The following COG5 variants were observed in gnomAD, a reference collection of about 807,000 sequenced individuals.
COG5 encodes the protein component of oligomeric golgi complex 5.
A neutral mutation model predicts 110.4 loss-of-function variants in COG5; 86 were observed. The observed-to-expected ratio is 0.78, with a 90% CI of 0.65 to 0.93. The LOEUF is 0.93. Among genes scored for constraint, COG5 ranks in the 40% least tolerant of loss-of-function variants. The probability of loss-of-function intolerance (pLI) is 0.00; values close to 1 mark genes in which losing one functional copy is unlikely to be tolerated. For missense variants in COG5, 1,077 were observed against 987.0 expected (o/e 1.09, Z -1.22); for synonymous variants, 360 against 334.6 (o/e 1.08, Z -0.83).
chr7:107,453,944 G>A (rs1795505204), intron 6 of COG5, among the ~76,000 whole-genome samples: 4 of 151,892 alleles, frequency 2.6e-5, no homozygotes, highest in Admixed American at 1.3e-4. Context: ...AGTTATGCTT[G>A]TATATGTGAA....
intron 10 of COG5, among the ~76,000 whole-genome samples, chr7:107,346,674 C>T (rs1449337792): frequency 1.3e-5 from 2 of 152,110 alleles, no homozygotes; most frequent in Non-Finnish European, 2.9e-5. Context: ...GGTTTTCTAA[C>T]ACCACATAAA....
intron 6 of COG5, among the ~76,000 whole-genome samples, chr7:107,456,148 A>T (rs1214409746): frequency 6.6e-6 from 1 of 152,152 alleles, no homozygotes; most frequent in Non-Finnish European, 1.5e-5. Context: ...GATTCAGAAT[A>T]TTGCTAACCT....
At chr7:107,416,095 C>G (rs1003222674) in intron 6 of COG5, among the ~76,000 whole-genome samples, 1 of 151,232 alleles carries the variant, frequency 6.6e-6, no homozygotes, top group African/African-American at 2.4e-5. Flanking sequence ...ATGGGACTAT[C>G]TGATAAGGTT....
chr7:107,503,994 C>T (rs1341947475), intron 6 of COG5, among the ~76,000 whole-genome samples: 3 of 152,028 alleles, frequency 2.0e-5, no homozygotes, highest in Non-Finnish European at 4.4e-5. Context: ...CCTTCTCTTC[C>T]CTGATTGCTC....
chr7:107,427,627 C>T (rs749219562), intron 6 of COG5, among the ~76,000 whole-genome samples: 30 of 151,790 alleles, frequency 2.0e-4, no homozygotes, highest in African/African-American at 2.7e-4. Context: ...CAGCTGGTGA[C>T]GCCTCCACCG....
chr7:107,344,814 G>A (rs776608551), intron 10 of COG5, among the ~76,000 whole-genome samples: 2 of 152,166 alleles, frequency 1.3e-5, no homozygotes, highest in East Asian at 1.9e-4. Context: ...GTGACCCACC[G>A]CGCCTGGCCG....
intron 8 of COG5, among the ~76,000 whole-genome samples, chr7:107,370,116 A>C (rs1228667051): frequency 2.0e-5 from 3 of 151,476 alleles, no homozygotes; most frequent in African/African-American, 4.9e-5. Flanking sequence ...TGTGTGTATA[A>C]TTTTTTTTCT....
chr7:107,549,056 T>G (rs916876704), intron 3 of COG5, among the ~76,000 whole-genome samples: 1 of 152,182 alleles, frequency 6.6e-6, no homozygotes, highest in Non-Finnish European at 1.5e-5. Flanking sequence ...TTGGAACAAA[T>G]AAACATTCCT....
intron 11 of COG5, among the ~76,000 whole-genome samples, chr7:107,318,134 T>A (rs1214486486): frequency 6.6e-6 from 1 of 152,058 alleles, no homozygotes; most frequent in Non-Finnish European, 1.5e-5. Context: ...TTCAAGTGAT[T>A]CCCCTGCCTC....
intron 6 of COG5, among the ~76,000 whole-genome samples, chr7:107,447,537 T>A (rs750930189): frequency 6.6e-6 from 1 of 152,232 alleles, no homozygotes; most frequent in Non-Finnish European, 1.5e-5. Flanking sequence ...AGGATACAGT[T>A]ATATATAAGG....
At chr7:107,559,461 T>C (rs985503630) in intron 1 of COG5, among the ~76,000 whole-genome samples, 3 of 152,200 alleles carry the variant, frequency 2.0e-5, no homozygotes, top group African/African-American at 7.2e-5. Flanking sequence ...TCTGCTATAA[T>C]GTATGCTCCA....
intron 11 of COG5, 47 bp from the exon 12 acceptor site, chr7:107,298,393 G>A: frequency 6.7e-7 from 1 of 1,484,786 alleles, no homozygotes; most frequent in Non-Finnish European, 9.3e-7. Flanking sequence ...ATAAAATGTA[G>A]TAAATGTTTC....
chr7:107,333,186 T>C (rs73187347), intron 10 of COG5, among the ~76,000 whole-genome samples: 13,390 of 152,218 alleles, frequency 0.088, 848 homozygotes, highest in African/African-American at 0.18. Context: ...ATCAAGAATA[T>C]ATTAATTTTA....
At chr7:107,402,515 G>A (rs757005840) in intron 7 of COG5, among the ~76,000 whole-genome samples, 1 of 152,172 alleles carries the variant, frequency 6.6e-6, no homozygotes, top group Non-Finnish European at 1.5e-5. Context: ...GGTATCTATG[G>A]TGACGCAGGA....
chr7:107,382,564 A>G (rs899814339), intron 7 of COG5, among the ~76,000 whole-genome samples: 1 of 152,038 alleles, frequency 6.6e-6, no homozygotes, highest in African/African-American at 2.4e-5. Context: ...CAGCCTTCCC[A>G]GTAGCTGGGA....
chr7:107,530,782 T>C (rs997965356), intron 5 of COG5, among the ~76,000 whole-genome samples: 12 of 152,248 alleles, frequency 7.9e-5, no homozygotes, highest in Non-Finnish European at 1.6e-4. Context: ...GTTCTCACCA[T>C]TTCCCAATAT....
intron 6 of COG5, among the ~76,000 whole-genome samples, chr7:107,509,327 C>T (rs1008028188): frequency 3.3e-5 from 5 of 151,754 alleles, no homozygotes; most frequent in African/African-American, 9.7e-5. Context: ...TGAACTGAAG[C>T]GAGAAGGGAA....
At chr7:107,532,984 A>C (rs1801318880) in intron 5 of COG5, among the ~76,000 whole-genome samples, 1 of 152,092 alleles carries the variant, frequency 6.6e-6, no homozygotes, top group African/African-American at 2.4e-5. Context: ...ATTTTTTTCT[A>C]GTCAGTCTTT....
intron 6 of COG5, among the ~76,000 whole-genome samples, chr7:107,448,564 C>G (rs6979368): frequency 0.15 from 22,553 of 152,106 alleles, 2,091 homozygotes; most frequent in Non-Finnish European, 0.2. Context: ...TGTCCTATTT[C>G]CCCCCTTTTG....
Sources: gnomAD v4.1 joint callset for allele counts (sites outside exome capture counted in the v4.1 genomes callset) on GRCh38, gnomAD v4.1.1 for gene constraint, MANE v1.5 for transcripts, NCBI Gene and HGNC (gene_info 2026-07-23, HGNC 2026-07-21) for gene names.